The following TRIO variants were observed in gnomAD, a reference collection of about 807,000 sequenced individuals.
TRIO encodes the protein trio Rho guanine nucleotide exchange factor, also known as triple functional domain protein.
Under a neutral mutation model 351.9 loss-of-function variants are expected in TRIO, and 58 were observed. The observed-to-expected ratio is 0.16, with a 90% confidence interval of 0.13 to 0.21. The LOEUF is 0.21. Among genes scored for constraint, TRIO ranks in the 10% least tolerant of loss-of-function variants. The pLI is 1.00. For missense variants in TRIO, 3,201 were observed against 4,027.8 expected (o/e 0.79, Z 5.56); for synonymous variants, 1,758 against 1,595.7 (o/e 1.10, Z -2.42).
At chr5:14,209,097 A>G (rs1791718535) in intron 1 of TRIO, among the ~76,000 whole-genome samples, 1 of 152,210 alleles carries the variant, frequency 6.6e-6, no homozygotes, top group Admixed American at 6.5e-5. Context: ...CCTAAGAGGT[A>G]GATTACATTC....
chr5:14,486,387 G>C (rs1755918108), intron 47 of TRIO, among the ~76,000 whole-genome samples: 1 of 152,202 alleles, frequency 6.6e-6, no homozygotes, highest in Non-Finnish European at 1.5e-5. Flanking sequence ...GGCATTTTTA[G>C]CCAAGTGTTA....
chr5:14,389,693 AC>A (rs1355494921), intron 25 of TRIO, among the ~76,000 whole-genome samples: 10 of 152,166 alleles, frequency 6.6e-5, no homozygotes, highest in African/African-American at 2.4e-4. Context: ...CCTGTGACTT[AC>A]TTCTGAGGGT....
chr5:14,187,353 T>G (rs1042881806), intron 1 of TRIO, among the ~76,000 whole-genome samples: 1 of 152,228 alleles, frequency 6.6e-6, no homozygotes, highest in Admixed American at 6.5e-5. Flanking sequence ...TGTTTTGTTT[T>G]GTGTTTTTGA....
intron 1 of TRIO, among the ~76,000 whole-genome samples, chr5:14,219,234 A>G (rs1198558618): frequency 4.7e-5 from 2 of 42,754 alleles, no homozygotes; most frequent in Admixed American, 1.6e-4. Context: ...TTCTTTTTCT[A>G]TAATTTTTTT....
Position 14,487,984 on chromosome 5 carries a change from G to T in TRIO, c.7356G>T (p.Gly2452=). The T allele has an allele frequency of 1.3e-6, 2 of 1,557,982 alleles. No individual in the cohort carries two copies. The highest frequency in any genetic ancestry group is 1.7e-6 in the Non-Finnish European group (2 of 1,152,176). ...GTLPLGKPRA[G]AASPLNSPLS... Reference sequence around the variant, plus strand: ...TGCCGCTTGGGAAGCCCCGGGCCGGGGCCGCTTCGCCGCTGAACTCGCCGC... The same window carrying T: ...TGCCGCTTGGGAAGCCCCGGGCCGGTGCCGCTTCGCCGCTGAACTCGCCGC... Residue 2452 remains glycine (G), a synonymous_variant, in exon 48 of 57, where the codon GGG becomes GGT. Transcript: ENST00000344204.
At chr5:14,376,698 C>CAA (rs757427227) in intron 19 of TRIO, among the ~76,000 whole-genome samples, 8 of 152,228 alleles carry the variant, frequency 5.3e-5, no homozygotes, top group Non-Finnish European at 7.3e-5. Flanking sequence ...ACCAGCGCTT[C>CAA]AGTGTTCCAA....
chr5:14,390,402 C>A, intron 26 of TRIO, 102 bp downstream of exon 26: 3 of 1,039,408 alleles, frequency 2.9e-6, no homozygotes, highest in South Asian at 1.5e-5. Flanking sequence ...ATCTTCTGCT[C>A]ATATCCATGC....
intron 46 of TRIO, 123 bp downstream of exon 46, chr5:14,482,896 A>G (rs1358329841): frequency 5.0e-6 from 5 of 1,004,192 alleles, no homozygotes; most frequent in East Asian, 5.8e-5. Context: ...ATTTTCTAGT[A>G]TATTTCAGAG....
At chr5:14,242,047 C>T (rs1794159954) in intron 1 of TRIO, among the ~76,000 whole-genome samples, 1 of 152,174 alleles carries the variant, frequency 6.6e-6, no homozygotes, top group Admixed American at 6.5e-5. Context: ...CAACTCTCAT[C>T]CTTACTACAG....
At chr5:14,397,218 G>T (rs1042959383) in intron 29 of TRIO, 64 bp downstream of exon 29, 1 of 1,350,074 alleles carries the variant, frequency 7.4e-7, no homozygotes, top group Non-Finnish European at 1.0e-6. Context: ...TTTGTAAATG[G>T]ATTTCCTGAA....
chr5:14,294,877 A>G (rs1002601895), intron 6 of TRIO, among the ~76,000 whole-genome samples: 3 of 152,222 alleles, frequency 2.0e-5, no homozygotes, highest in Non-Finnish European at 2.9e-5. Context: ...TTAAAGATGC[A>G]GTTAAAGCAG....
intron 1 of TRIO, among the ~76,000 whole-genome samples, chr5:14,205,893 C>T (rs200417591): frequency 5.5e-4 from 84 of 152,082 alleles, no homozygotes; most frequent in Middle Eastern, 3.4e-3. Context: ...CCACCACACC[C>T]GGCTAATTTT....
At chr5:14,289,040 G>A (rs575815504) in intron 4 of TRIO, among the ~76,000 whole-genome samples, 10 of 152,068 alleles carry the variant, frequency 6.6e-5, no homozygotes, top group African/African-American at 2.4e-4. Context: ...CTGGGAGTTC[G>A]AGCCCAGCCT....
At chr5:14,151,205 C>T (rs143761032) in intron 1 of TRIO, among the ~76,000 whole-genome samples, 23 of 152,322 alleles carry the variant, frequency 1.5e-4, no homozygotes, top group Non-Finnish European at 1.2e-4. Context: ...ACCTATTTCA[C>T]GGTATTGACA....
intron 33 of TRIO, among the ~76,000 whole-genome samples, chr5:14,409,676 T>C (rs1749025765): frequency 6.6e-6 from 1 of 151,734 alleles, no homozygotes; most frequent in South Asian, 2.1e-4. Flanking sequence ...CTACTAAAAA[T>C]GTAAAAAATT....
chr5:14,204,921 C>T (rs1791362671), intron 1 of TRIO, among the ~76,000 whole-genome samples: 1 of 152,170 alleles, frequency 6.6e-6, no homozygotes, highest in African/African-American at 2.4e-5. Flanking sequence ...CATGTATACA[C>T]TTTAGTAATA....
intron 1 of TRIO, among the ~76,000 whole-genome samples, chr5:14,251,016 T>C (rs1007217249): frequency 4.6e-5 from 7 of 152,100 alleles, no homozygotes; most frequent in Non-Finnish European, 8.8e-5. Context: ...GGGAACCCTT[T>C]GAATTTGATC....
chr5:14,424,678 G>A (rs552598776), intron 34 of TRIO, among the ~76,000 whole-genome samples: 1 of 152,318 alleles, frequency 6.6e-6, no homozygotes, highest in South Asian at 2.1e-4. Context: ...CAGACTGGCT[G>A]CAGTAGTTAA....
intron 19 of TRIO, among the ~76,000 whole-genome samples, chr5:14,374,628 T>C (rs191076691): frequency 1.5e-3 from 227 of 152,280 alleles, no homozygotes; most frequent in African/African-American, 5.1e-3. Context: ...TTGGCTATTT[T>C]GTTAAAGTAA....
Sources: allele counts gnomAD v4.1 joint callset (sites outside exome capture counted in the v4.1 genomes callset), GRCh38; gene constraint gnomAD v4.1.1; transcripts MANE v1.5; gene names NCBI Gene and HGNC (gene_info 2026-07-23, HGNC 2026-07-21).